The following PHPT1 variants were observed in gnomAD, a reference collection of about 807,000 sequenced individuals.
PHPT1 encodes phosphohistidine phosphatase 1.
In PHPT1, 16 loss-of-function variants were observed where a neutral mutation model predicts 15.6. The ratio of observed to expected loss-of-function variants is 1.03; its 90% CI spans 0.70 to 1.56. The LOEUF (loss-of-function observed/expected upper bound fraction) is 1.56, where lower values mean the gene tolerates loss of function less well. Among genes scored for constraint, PHPT1 ranks in the 40% most tolerant of loss-of-function variants. PHPT1 has a pLI of 0.00. For synonymous variants in PHPT1, 102 were observed against 68.1 expected, an observed-to-expected ratio of 1.50 and a Z score of -2.45; for missense variants, 228 against 171.0, an observed-to-expected ratio of 1.33 and a Z score of -1.86.
Position 136,850,070 on chromosome 9 carries a change from G to C in PHPT1, c.218G>C (p.Cys73Ser). The change falls in exon 2 of 3, where the codon TGT becomes TCT. Residue 73 changes from cysteine (C) to serine (S), a missense_variant. Transcript: ENST00000247665. ...CAGAAGCAAGGCTGCGACTGTGAGT[G>C]TCTGGGCGGCGGGCGCATCTCCCAC... The part of the protein sequence containing the change: ...DMQKQGCDCE[C>S]LGGGRISHQS... The C allele has an allele frequency of 1.2e-6, 2 of 1,613,206 alleles. No individual in the cohort carries two copies. Among genetic ancestry groups the C allele is most frequent in the South Asian group, 1.1e-5 (1 of 91,088 alleles).
intron 1 of PHPT1, 83 bp downstream of exon 1, chr9:136,849,673 A>G (rs1404894575): frequency 1.7e-5 from 2 of 114,888 alleles, no homozygotes; most frequent in African/African-American, 8.5e-5. Flanking sequence ...GGGGCTGACG[A>G]GGCAGGGGCG....
chr9:136,850,234 C>T, intron 2 of PHPT1, 97 bp downstream of exon 2: 2 of 1,521,490 alleles, frequency 1.3e-6, no homozygotes, highest in East Asian at 2.3e-5. Context: ...CAGCTGAGCA[C>T]GCAGGCTTCC....
At chr9:136,849,649 GGCGGGACGGAGA>G in intron 1 of PHPT1, 59 bp downstream of exon 1, 1 of 1,343,686 alleles carries the variant, frequency 7.4e-7, no homozygotes, top group Non-Finnish European at 9.9e-7. Context: ...GGGCGGGGCT[GGCGGGACGGAGA>G]CGGGGCTGAC....
rs775749866 is a variant in PHPT1 at position 136,850,938 on chromosome 9, C to T, written c.*91C>T. The stretch of plus-strand genomic sequence containing the variant: ...CCTCTTGCAGGGCTGGCCCTGCCTG[C>T]TCCTGCGGCAGCCTCTGGTGACGTG... On this transcript the variant is annotated 3_prime_UTR_variant, in exon 3 of 3. Coordinates refer to ENST00000247665, the MANE Select transcript of PHPT1 (RefSeq NM_014172.6). 1.0e-4 allele frequency: 98 copies of T among 963,700 alleles called. No individual in the cohort carries two copies. The highest frequency in any genetic ancestry group is 2.1e-4 in the Middle Eastern group (1 of 4,834). The allele number at this position is 963,700 out of a possible 1,614,324, so 59.7% of individuals were successfully genotyped here.
In PHPT1 at chr9:136,850,114, A is replaced by AT; in HGVS notation, c.264dup (p.His89SerfsTer19). ...CTCCCACCAGAGTCAGGACAAGAAG[A>AT]TTCACGTGTACGGCTATTCCATGGT... On this transcript the variant is annotated frameshift_variant, in exon 2 of 3. Transcript: ENST00000247665. LOFTEE classifies it high-confidence loss of function. 6.2e-7 allele frequency: 1 copy of AT among 1,613,116 alleles called. No homozygotes were observed. Among genetic ancestry groups the AT allele is most frequent in the Non-Finnish European group, 8.5e-7 (1 of 1,179,914 alleles).
chr9:136,849,971 A>G (rs766305082), intron 1 of PHPT1, 42 bp from the exon 2 acceptor site: 20 of 1,586,630 alleles, frequency 1.3e-5, no homozygotes, highest in Admixed American at 3.4e-5. Context: ...GCGGCCTCCA[A>G]GGGCGGCCAG....
Position 136,849,567 on chromosome 9 carries a change from G to T in PHPT1, c.137G>T (p.Gly46Val). ...GCAGAGAGCAAGGAGATCGTGCGCG[G>T]CTACAAGTGGGCTGAGTACCATGGT... Reference protein sequence around the residue: ...PAAESKEIVRGYKWAEYHADI... With the variant: ...PAAESKEIVRVYKWAEYHADI... The change falls in exon 1 of 3, where the codon GGC (glycine) becomes GTC (valine). Residue 46 changes from glycine to valine, a missense_variant. Coordinates refer to ENST00000247665, the MANE Select transcript of PHPT1 (RefSeq NM_014172.6). The T allele has an allele frequency of 6.2e-7, 1 of 1,606,234 alleles. No individual in the cohort carries two copies. Among genetic ancestry groups the T allele is most frequent in the Non-Finnish European group, 8.5e-7 (1 of 1,178,264 alleles).
In PHPT1 at chr9:136,850,905, C is replaced by A; in HGVS notation, c.*58C>A. The A allele has an allele frequency of 7.8e-7, 1 of 1,283,686 alleles. No individual in the cohort carries two copies. The highest frequency in any genetic ancestry group is 1.1e-6 in the Non-Finnish European group (1 of 880,340). 79.5% of individuals were successfully genotyped at this position (1,283,686 alleles called of 1,614,324 possible). ...AGCCACTTCAGAGCCCCCGCCTTTG[C>A]CTGCACTCCTCTTGCAGGGCTGGCC... On this transcript the variant is annotated 3_prime_UTR_variant, in exon 3 of 3. Transcript: ENST00000247665.
At position 136,850,110 on chromosome 9, in the gene PHPT1, G is replaced by A. The variant is rs762278468; in HGVS notation, c.258G>A (p.Lys86=). The stretch of plus-strand genomic sequence containing the variant: ...GCATCTCCCACCAGAGTCAGGACAA[G>A]AAGATTCACGTGTACGGCTATTCCA... ...GGRISHQSQD[K]KIHVYGYSMA... Residue 86 remains lysine, a synonymous_variant, in exon 2 of 3, where the codon AAG becomes AAA. Coordinates refer to ENST00000247665, the MANE Select transcript of PHPT1 (RefSeq NM_014172.6). 1.9e-6 allele frequency: 3 copies of A among 1,613,242 alleles called. No individual in the cohort carries two copies. The highest frequency in any genetic ancestry group is 1.1e-5 in the South Asian group (1 of 91,090).
chr9:136,850,171 C>T (rs1848873954), intron 2 of PHPT1, 34 bp downstream of exon 2: 8 of 1,612,254 alleles, frequency 5.0e-6, no homozygotes, highest in East Asian at 4.5e-5. Flanking sequence ...CTGCCGGAGG[C>T]CCCAGTACCA....
In PHPT1 at chr9:136,850,804, A is replaced by C. The variant is rs769655918; in HGVS notation, c.335A>C (p.Lys112Thr). Reference protein sequence around the residue: ...HAISTEKIKAKYPDYEVTWAN... With the variant: ...HAISTEKIKATYPDYEVTWAN... ...ATTTCAACTGAGAAAATCAAAGCCA[A>C]GTACCCCGACTACGAGGTCACCTGG... Residue 112 changes from lysine (K) to threonine (T), a missense_variant, in exon 3 of 3, where the codon AAG becomes ACG. Lys to Thr is a moderately conservative substitution (Grantham distance 78). Coordinates refer to ENST00000247665, the MANE Select transcript of PHPT1 (RefSeq NM_014172.6). 1 of 1,613,240 alleles carries C rather than the reference A, an allele frequency of 6.2e-7. No individual in the cohort carries two copies. The highest frequency in any genetic ancestry group is 1.7e-5 in the Admixed American group (1 of 60,032).
At position 136,849,568 on chromosome 9, in the gene PHPT1, C is replaced by CTTTG; in HGVS notation, c.139_140insTTGT (p.Tyr47PhefsTer6). On this transcript the variant is annotated frameshift_variant, in exon 1 of 3. Coordinates refer to ENST00000247665, the MANE Select transcript of PHPT1 (RefSeq NM_014172.6). LOFTEE classifies it high-confidence loss of function. ...CAGAGAGCAAGGAGATCGTGCGCGG[C>CTTTG]TACAAGTGGGCTGAGTACCATGGTG... 1 of 1,604,756 alleles carries CTTTG rather than the reference C, an allele frequency of 6.2e-7. No individual in the cohort carries two copies.
At chr9:136,849,641 G>T (rs376939593) in intron 1 of PHPT1, 51 bp downstream of exon 1, 21 of 1,393,148 alleles carry the variant, frequency 1.5e-5, no homozygotes, top group Non-Finnish European at 1.6e-5. Flanking sequence ...CGAGGCGGGG[G>T]CGGGGCTGGC....
At position 136,850,173 on chromosome 9, in the gene PHPT1, C is replaced by T. The variant is rs541289721; in HGVS notation, c.285+36C>T. ...GCCCCGTCCCGCCCTGCCGGAGGCC[C>T]CAGTACCAGCTTCGAGGCCCACCTG... On this transcript the variant is annotated intron_variant, in intron 2 of 2. Coordinates refer to ENST00000247665, the MANE Select transcript of PHPT1 (RefSeq NM_014172.6). The T allele has an allele frequency of 8.3e-5, 134 of 1,612,460 alleles. No homozygotes were observed. The South Asian group carries it at 1.4e-3, about 17-fold the overall frequency.
Position 136,850,616 on chromosome 9 carries a change from G to C in PHPT1, c.286-139G>C, listed in dbSNP as rs1459164626. Reference sequence around the variant, plus strand: ...CAGGGGAGCCCCCAAGGGCGGTCGGGATGGTGGGTTTGGCATCCCCAGGCA... The same window carrying C: ...CAGGGGAGCCCCCAAGGGCGGTCGGCATGGTGGGTTTGGCATCCCCAGGCA... On this transcript the variant is annotated intron_variant, in intron 2 of 2. Transcript: ENST00000247665. 3.8e-6 allele frequency: 6 copies of C among 1,572,338 alleles called. No individual in the cohort carries two copies. In the African/African-American group the frequency reaches 8.1e-5, roughly 21 times the overall value.
At position 136,850,897 on chromosome 9, in the gene PHPT1, C is replaced by G. The variant is rs184227425; in HGVS notation, c.*50C>G. ...CCTCCAGCAGCCACTTCAGAGCCCC[C>G]GCCTTTGCCTGCACTCCTCTTGCAG... On this transcript the variant is annotated 3_prime_UTR_variant, in exon 3 of 3. Transcript: ENST00000247665. The G allele has an allele frequency of 2.2e-6, 3 of 1,382,398 alleles. 1 individual carries two copies. The highest frequency in any genetic ancestry group is 3.1e-6 in the Non-Finnish European group (3 of 970,218). 85.6% of individuals were successfully genotyped at this position (1,382,398 alleles called of 1,614,324 possible).
chr9:136,850,022 A>G lies in PHPT1; in HGVS notation c.170A>G (p.Tyr57Cys), dbSNP rs1848865952. ...CGCCCTCCCATCCCAGCGGACATCT[A>G]CGACAAAGTGTCGGGCGACATGCAG... Reference protein sequence around the residue: ...YKWAEYHADIYDKVSGDMQKQ... With the variant: ...YKWAEYHADICDKVSGDMQKQ... The change falls in exon 2 of 3, where the codon TAC becomes TGC. Residue 57 changes from tyrosine (Y) to cysteine (C), a missense_variant. Physicochemically the swap from Tyr to Cys is radical, Grantham distance 194. Coordinates refer to ENST00000247665, the MANE Select transcript of PHPT1 (RefSeq NM_014172.6). 4.3e-6 allele frequency: 7 copies of G among 1,612,058 alleles called. No homozygotes were observed. Among genetic ancestry groups the G allele is most frequent in the African/African-American group, 1.3e-5 (1 of 74,882 alleles).
At position 136,850,691 on chromosome 9, in the gene PHPT1, G is replaced by A. The variant is rs187997499; in HGVS notation, c.286-64G>A. ...CTTCTGGTGTGGCTGGTGGCTGGATGCCCAGAGCCGGGTATCGGGTTGAAG... is the reference window on the plus strand; with the variant it reads ...CTTCTGGTGTGGCTGGTGGCTGGATACCCAGAGCCGGGTATCGGGTTGAAG... On this transcript the variant is annotated intron_variant, in intron 2 of 2. Transcript: ENST00000247665. The A allele has an allele frequency of 3.3e-3, 4,917 of 1,501,228 alleles. 49 individuals carry two copies. In the Middle Eastern group the frequency reaches 0.048, roughly 15 times the overall value. The allele number at this position is 1,501,228 out of a possible 1,614,324, so 93.0% of individuals were successfully genotyped here. A position where few individuals can be genotyped will look rare whatever the true frequency, so the allele number is the denominator to read the frequency against.
At chr9:136,850,332 AG>A in intron 2 of PHPT1, 195 bp downstream of exon 2, 1 of 852,398 alleles carries the variant, frequency 1.2e-6, no homozygotes. Context: ...GCCAGACCTG[AG>A]GGGTGGGACG....
Sources: gnomAD v4.1 joint callset for allele counts on GRCh38, gnomAD v4.1.1 for gene constraint, MANE v1.5 for transcripts, NCBI Gene and HGNC (gene_info 2026-07-23, HGNC 2026-07-21) for gene names.